Variants in AUTS2 observed in about 807,000 individuals in gnomAD.
AUTS2 encodes the protein autism susceptibility gene 2 protein.
AUTS2 carries 17 observed loss-of-function variants against 112.4 expected under a neutral mutation model. The ratio of observed to expected loss-of-function variants is 0.15; its 90% CI spans 0.10 to 0.23. The LOEUF is 0.23. Ranked by LOEUF, AUTS2 falls within the 10% of genes least tolerant of loss-of-function variation. AUTS2 has a pLI of 1.00. For missense variants in AUTS2, 1,510 were observed against 1,701.6 expected (o/e 0.89, Z 1.98); for synonymous variants, 751 against 702.7 (o/e 1.07, Z -1.09).
At chr7:69,908,446 G>A (rs918792681) in intron 2 of AUTS2, among the ~76,000 whole-genome samples, 1 of 152,194 alleles carries the variant, frequency 6.6e-6, no homozygotes, top group African/African-American at 2.4e-5. Flanking sequence ...ACACCTAGGG[G>A]TGTGCATCCT....
chr7:70,005,911 A>T (rs1028802506), intron 2 of AUTS2, among the ~76,000 whole-genome samples: 1 of 152,188 alleles, frequency 6.6e-6, no homozygotes, highest in African/African-American at 2.4e-5. Flanking sequence ...TATTTGATTA[A>T]CGTTGTATGC....
intron 4 of AUTS2, among the ~76,000 whole-genome samples, chr7:70,277,751 G>T (rs1017682509): frequency 1.3e-5 from 2 of 152,124 alleles, no homozygotes; most frequent in Admixed American, 1.3e-4. Context: ...CTAGATTTCT[G>T]TTTTTTGTTG....
intron 4 of AUTS2, among the ~76,000 whole-genome samples, chr7:70,423,484 A>G (rs1262151258): frequency 6.6e-6 from 1 of 152,240 alleles, no homozygotes; most frequent in Non-Finnish European, 1.5e-5. Context: ...TTAACTTTGA[A>G]CATTTTAATA....
At chr7:69,924,148 G>A (rs1795918342) in intron 2 of AUTS2, among the ~76,000 whole-genome samples, 1 of 147,958 alleles carries the variant, frequency 6.8e-6, no homozygotes, top group African/African-American at 2.5e-5. Flanking sequence ...AATCAAGAAT[G>A]CATGTTATAT....
chr7:70,484,476 G>A lies in AUTS2; in HGVS notation c.690+48695G>A, dbSNP rs558931401. On this transcript the variant is annotated intron_variant, in intron 5 of 18. Coordinates refer to ENST00000342771, the MANE Select transcript of AUTS2 (RefSeq NM_015570.4). The stretch of plus-strand genomic sequence containing the variant: ...CCAGGGGAGTTCTGAGGTGGTTGGG[G>A]TTAGCCCCTGACGGGAACTCAGGGT... Among the ~76,000 whole-genome samples the A allele has an allele frequency of 3.3e-5, 5 of 152,304 alleles. No individual in the cohort carries two copies. The South Asian group carries it at 1.0e-3, about 32-fold the overall frequency.
chr7:69,862,473 C>G (rs981988428), intron 1 of AUTS2, among the ~76,000 whole-genome samples: 7 of 152,108 alleles, frequency 4.6e-5, no homozygotes, highest in Non-Finnish European at 1.0e-4. Flanking sequence ...GTTGTAAAAT[C>G]GCCCAGTCAG....
chr7:70,509,650 A>T (rs938567604), intron 5 of AUTS2, among the ~76,000 whole-genome samples: 4 of 151,902 alleles, frequency 2.6e-5, no homozygotes, highest in African/African-American at 9.7e-5. Flanking sequence ...GGAGAATTTG[A>T]CCCTTGGATA....
chr7:70,391,123 G>A (rs1446261363), intron 4 of AUTS2, among the ~76,000 whole-genome samples: 1 of 152,170 alleles, frequency 6.6e-6, no homozygotes, highest in East Asian at 1.9e-4. Context: ...TGAATCTCTG[G>A]GGGTGAGGCC....
intron 5 of AUTS2, among the ~76,000 whole-genome samples, chr7:70,518,864 C>T (rs1376345726): frequency 1.3e-5 from 2 of 151,928 alleles, no homozygotes; most frequent in Non-Finnish European, 2.9e-5. Flanking sequence ...CCACCACACC[C>T]AGCTAATTTT....
At chr7:69,754,889 T>C (rs2129275688) in intron 1 of AUTS2, among the ~76,000 whole-genome samples, 1 of 152,306 alleles carries the variant, frequency 6.6e-6, no homozygotes, top group South Asian at 2.1e-4. Context: ...AATACCTGAT[T>C]ACATCCAACT....
chr7:70,608,112 T>C (rs762348197), intron 5 of AUTS2, among the ~76,000 whole-genome samples: 2 of 152,096 alleles, frequency 1.3e-5, no homozygotes, highest in Non-Finnish European at 2.9e-5. Context: ...TTTATTTTAT[T>C]TTATTTTTAG....
At chr7:70,603,580 A>C (rs1178076601) in intron 5 of AUTS2, among the ~76,000 whole-genome samples, 1 of 152,192 alleles carries the variant, frequency 6.6e-6, no homozygotes, top group Non-Finnish European at 1.5e-5. Context: ...CAGGTGCTTG[A>C]GAGAGGGTCA....
intron 7 of AUTS2, among the ~76,000 whole-genome samples, chr7:70,764,360 G>A (rs758277271): frequency 8.5e-5 from 13 of 152,130 alleles, no homozygotes; most frequent in Admixed American, 1.3e-4. Flanking sequence ...TCAGATCATC[G>A]CTTTTTTTAT....
At chr7:69,957,964 G>T (rs1797283355) in intron 2 of AUTS2, among the ~76,000 whole-genome samples, 1 of 152,168 alleles carries the variant, frequency 6.6e-6, no homozygotes, top group Non-Finnish European at 1.5e-5. Flanking sequence ...GCCTACACAA[G>T]TAAGTATATG....
intron 1 of AUTS2, among the ~76,000 whole-genome samples, chr7:69,673,594 CAA>C: frequency 6.6e-6 from 1 of 152,316 alleles, no homozygotes; most frequent in Non-Finnish European, 1.5e-5. Flanking sequence ...TTGCTTGTAA[CAA>C]GAGGGAAGAT....
intron 5 of AUTS2, among the ~76,000 whole-genome samples, chr7:70,672,216 T>A (rs1807681431): frequency 6.6e-6 from 1 of 152,236 alleles, no homozygotes; most frequent in South Asian, 2.1e-4. Flanking sequence ...GGGAGCCCCC[T>A]ACTTGGAAAT....
chr7:69,891,544 A>C (rs1794519265), intron 1 of AUTS2, among the ~76,000 whole-genome samples: 1 of 152,060 alleles, frequency 6.6e-6, no homozygotes, highest in Non-Finnish European at 1.5e-5. Context: ...ACTTTTAAAG[A>C]AACTACTAAA....
intron 3 of AUTS2, among the ~76,000 whole-genome samples, chr7:70,133,140 C>T (rs143994211): frequency 6.6e-6 from 1 of 152,254 alleles, no homozygotes; most frequent in East Asian, 1.9e-4. Context: ...GTGCTTCATT[C>T]CCCTGAGCTT....
At chr7:69,671,281 GT>G (rs1796310137) in intron 1 of AUTS2, among the ~76,000 whole-genome samples, 1 of 152,182 alleles carries the variant, frequency 6.6e-6, no homozygotes. Context: ...CACTCATTTA[GT>G]TGCATAACCT....
Sources: gnomAD v4.1 joint callset for allele counts (sites outside exome capture counted in the v4.1 genomes callset) on GRCh38, gnomAD v4.1.1 for gene constraint, MANE v1.5 for transcripts, NCBI Gene and HGNC (gene_info 2026-07-23, HGNC 2026-07-21) for gene names.